The following PRKG1 variants were observed in gnomAD, a reference collection of about 807,000 sequenced individuals.
PRKG1 encodes the protein protein kinase cGMP-dependent 1.
Under a neutral mutation model 88.1 loss-of-function variants are expected in PRKG1, and 35 were observed. That is an observed-to-expected ratio of 0.40 (90% CI 0.30 to 0.53). The LOEUF (loss-of-function observed/expected upper bound fraction) is 0.53, where lower values mean the gene tolerates loss of function less well. PRKG1 is among the 20% of genes least tolerant of loss of function. The pLI is 0.59. For synonymous variants in PRKG1, 303 were observed against 292.5 expected (o/e 1.04, Z -0.37); for missense variants, 540 against 839.8 (o/e 0.64, Z 4.41).
intron 9 of PRKG1, among the ~76,000 whole-genome samples, chr10:52,199,264 C>A (rs947927995): frequency 6.6e-6 from 1 of 152,088 alleles, no homozygotes; most frequent in Non-Finnish European, 1.5e-5. Flanking sequence ...TCCTCCCTAT[C>A]GTATTATCCT....
At chr10:51,551,619 A>T (rs1837136925) in intron 3 of PRKG1, among the ~76,000 whole-genome samples, 1 of 151,766 alleles carries the variant, frequency 6.6e-6, no homozygotes, top group South Asian at 2.1e-4. Flanking sequence ...AGATGGAAGG[A>T]TTCAATTTAG....
At chr10:51,737,263 G>A (rs1837303948) in intron 3 of PRKG1, among the ~76,000 whole-genome samples, 1 of 152,102 alleles carries the variant, frequency 6.6e-6, no homozygotes, top group Non-Finnish European at 1.5e-5. Flanking sequence ...TATAGCTACT[G>A]CTTCACATGC....
At chr10:51,104,698 T>TTTTATTTATTTA (rs35238475) in intron 1 of PRKG1, among the ~76,000 whole-genome samples, 54 of 136,186 alleles carry the variant, frequency 4.0e-4, no homozygotes, top group African/African-American at 5.8e-4. Flanking sequence ...TTTATTTTTA[T>TTTTATTTATTTA]TTTATTTATT....
chr10:51,050,612 A>G (rs186777773), intron 1 of PRKG1, among the ~76,000 whole-genome samples: 4 of 152,338 alleles, frequency 2.6e-5, no homozygotes, highest in African/African-American at 7.2e-5. Flanking sequence ...ATAATGCTGC[A>G]ATAAACATGA....
intron 5 of PRKG1, among the ~76,000 whole-genome samples, chr10:51,951,795 G>C (rs1843191894): frequency 6.6e-6 from 1 of 152,124 alleles, no homozygotes; most frequent in South Asian, 2.1e-4. Flanking sequence ...CTAAGAGAAA[G>C]GTAACTGGAG....
At chr10:52,256,815 T>C (rs1470146661) in intron 10 of PRKG1, among the ~76,000 whole-genome samples, 5 of 139,412 alleles carry the variant, frequency 3.6e-5, no homozygotes, top group African/African-American at 1.2e-4. Context: ...TAACCTCTAT[T>C]AAATTTCTCC....
At chr10:51,476,910 A>G (rs1840210464) in intron 3 of PRKG1, among the ~76,000 whole-genome samples, 1 of 152,052 alleles carries the variant, frequency 6.6e-6, no homozygotes, top group South Asian at 2.1e-4. Context: ...TACTATGTAC[A>G]TGCCGCTTGG....
At chr10:51,949,711 T>C (rs1843139639) in intron 5 of PRKG1, among the ~76,000 whole-genome samples, 1 of 152,178 alleles carries the variant, frequency 6.6e-6, no homozygotes, top group Non-Finnish European at 1.5e-5. Context: ...TCTCAATTAA[T>C]ATAATGTCCC....
intron 2 of PRKG1, among the ~76,000 whole-genome samples, chr10:51,387,139 A>G (rs557907012): frequency 8.3e-4 from 126 of 152,074 alleles, no homozygotes; most frequent in African/African-American, 2.9e-3. Context: ...ATCTGGCACA[A>G]GGTCCCATAC....
chr10:51,246,002 A>G (rs1384045579), intron 2 of PRKG1, among the ~76,000 whole-genome samples: 1 of 152,080 alleles, frequency 6.6e-6, no homozygotes, highest in Non-Finnish European at 1.5e-5. Context: ...AGGGAGGACA[A>G]ATATGGCTGA....
At chr10:51,853,202 G>A (rs571884332) in intron 4 of PRKG1, among the ~76,000 whole-genome samples, 9 of 152,208 alleles carry the variant, frequency 5.9e-5, no homozygotes, top group South Asian at 2.1e-4. Context: ...CAGTACTGAC[G>A]TGATGTTTTA....
intron 4 of PRKG1, among the ~76,000 whole-genome samples, chr10:51,869,245 A>G (rs1256610763): frequency 6.6e-6 from 1 of 152,182 alleles, no homozygotes; most frequent in Non-Finnish European, 1.5e-5. Flanking sequence ...AGCCATAACT[A>G]GTAATCCCAT....
chr10:51,103,591 A>G (rs1445919887), intron 1 of PRKG1, among the ~76,000 whole-genome samples: 2 of 152,182 alleles, frequency 1.3e-5, no homozygotes, highest in African/African-American at 4.8e-5. Context: ...CTGAAATGTA[A>G]TAAAGGATGT....
At chr10:51,872,168 T>C (rs990825990) in intron 4 of PRKG1, among the ~76,000 whole-genome samples, 33 of 152,300 alleles carry the variant, frequency 2.2e-4, no homozygotes, top group Non-Finnish European at 2.8e-4. Flanking sequence ...GCACAGAACA[T>C]TAGGAAACTT....
At chr10:52,173,403 T>C (rs1218879157) in intron 9 of PRKG1, among the ~76,000 whole-genome samples, 2 of 152,346 alleles carry the variant, frequency 1.3e-5, no homozygotes, top group East Asian at 1.9e-4. Context: ...TAGAAAATTA[T>C]AGACTACCTT....
At chr10:52,142,038 A>G (rs1433898093) in intron 8 of PRKG1, among the ~76,000 whole-genome samples, 1 of 152,190 alleles carries the variant, frequency 6.6e-6, no homozygotes, top group African/African-American at 2.4e-5. Context: ...TTTAATAAGA[A>G]TTAAGACAGA....
chr10:51,850,240 G>A (rs111673783), intron 4 of PRKG1, among the ~76,000 whole-genome samples: 4,138 of 152,192 alleles, frequency 0.027, 130 homozygotes, highest in African/African-American at 0.074. Context: ...GCAATAGCAC[G>A]ATCTCAGCTC....
chr10:51,824,436 A>G (rs767423857), intron 4 of PRKG1, among the ~76,000 whole-genome samples: 1 of 152,020 alleles, frequency 6.6e-6, no homozygotes, highest in Non-Finnish European at 1.5e-5. Context: ...AAGTTTTTAT[A>G]TTGTTGATTG....
chr10:51,471,055 A>G (rs1174618045), intron 3 of PRKG1, among the ~76,000 whole-genome samples: 1 of 152,000 alleles, frequency 6.6e-6, no homozygotes, highest in Non-Finnish European at 1.5e-5. Flanking sequence ...CTCCTGTCTT[A>G]TAAAATAACT....
Sources: allele counts gnomAD v4.1 joint callset (sites outside exome capture counted in the v4.1 genomes callset), GRCh38; gene constraint gnomAD v4.1.1; transcripts MANE v1.5; gene names NCBI Gene and HGNC (gene_info 2026-07-23, HGNC 2026-07-21).